NUCKS1: variants seen among roughly 807,000 people sequenced by gnomAD.
The protein encoded by NUCKS1 is nuclear casein kinase and cyclin dependent kinase substrate 1.
In NUCKS1, 2 loss-of-function variants were observed where a neutral mutation model predicts 33.0. The ratio of observed to expected loss-of-function variants is 0.06; its 90% CI spans 0.02 to 0.19. The LOEUF (loss-of-function observed/expected upper bound fraction) is 0.19. Among genes scored for constraint, NUCKS1 ranks in the 10% least tolerant of loss-of-function variants. The probability of loss-of-function intolerance (pLI) is 1.00; values close to 1 mark genes in which losing one functional copy is unlikely to be tolerated. For synonymous variants in NUCKS1, 106 were observed against 102.8 expected, an observed-to-expected ratio of 1.03 and a Z score of -0.19; for missense variants, 201 against 293.6, an observed-to-expected ratio of 0.68 and a Z score of 2.31.
chr1:205,750,018 A>AC lies in NUCKS1; in HGVS notation c.-46dup, dbSNP rs751390674. 652 of 963,400 alleles carry AC rather than the reference A, an allele frequency of 6.8e-4. No individual in the cohort carries two copies. The highest frequency in any genetic ancestry group is 2.8e-3 in the Middle Eastern group (8 of 2,852). 59.7% of individuals were successfully genotyped at this position (963,400 alleles called of 1,614,324 possible). ...CCGAGTCGAGAAGCCAAAGACCAGG[A>AC]CCCCCCCCACCCCGCGCGCTCGGCG... On this transcript the variant is annotated 5_prime_UTR_variant, in exon 1 of 7. Coordinates refer to ENST00000367142, the MANE Select transcript of NUCKS1 (RefSeq NM_022731.5).
intron 1 of NUCKS1, among the ~76,000 whole-genome samples, chr1:205,738,887 G>A (rs1391109858): frequency 6.6e-6 from 1 of 152,170 alleles, no homozygotes; most frequent in African/African-American, 2.4e-5. Context: ...TCTGGCCTGG[G>A]TGAGAGAGGG....
At chr1:205,733,114 A>G (rs571807392) in intron 1 of NUCKS1, among the ~76,000 whole-genome samples, 4 of 152,316 alleles carry the variant, frequency 2.6e-5, no homozygotes, top group Non-Finnish European at 5.9e-5. Context: ...ACTTGTAGGT[A>G]TAATTCTAGC....
In NUCKS1 at chr1:205,716,075, A is replaced by C. The variant is rs1172924109; in HGVS notation, c.*2205T>G. ...ATAGAATACATTTTTCAATCTAATG[A>C]ATTAATTTTAAAAGGGACCCTAAAC... On this transcript the variant is annotated 3_prime_UTR_variant, in exon 7 of 7. Transcript: ENST00000367142. The C allele has an allele frequency of 2.6e-5, 4 of 152,358 alleles. No individual in the cohort carries two copies. The highest frequency in any genetic ancestry group is 6.5e-5 in the Admixed American group (1 of 15,300). The allele number at this position is 152,358 out of a possible 1,614,324, so 9.4% of individuals were successfully genotyped here.
intron 1 of NUCKS1, among the ~76,000 whole-genome samples, chr1:205,741,008 A>AT (rs1233673248): frequency 6.6e-6 from 1 of 152,002 alleles, no homozygotes; most frequent in African/African-American, 2.4e-5. Context: ...GTTTTCTTTT[A>AT]AAGTCACACA....
chr1:205,743,988 T>A (rs777991742), intron 1 of NUCKS1, among the ~76,000 whole-genome samples: 37 of 152,314 alleles, frequency 2.4e-4, no homozygotes, highest in Non-Finnish European at 4.7e-4. Context: ...CGTATAAACT[T>A]AAAACAATGC....
chr1:205,748,601 C>G (rs1654389680), intron 1 of NUCKS1, among the ~76,000 whole-genome samples: 1 of 152,214 alleles, frequency 6.6e-6, no homozygotes, highest in Non-Finnish European at 1.5e-5. Flanking sequence ...GAGCTAACAG[C>G]AGCTTTCTCC....
chr1:205,741,297 C>CAAA (rs56979923), intron 1 of NUCKS1, among the ~76,000 whole-genome samples: 406 of 78,338 alleles, frequency 5.2e-3, no homozygotes, highest in African/African-American at 0.013. Flanking sequence ...GAGACTGTCT[C>CAAA]AAAAAAAAAA....
intron 1 of NUCKS1, among the ~76,000 whole-genome samples, chr1:205,747,417 T>C (rs1161683092): frequency 1.3e-5 from 2 of 152,220 alleles, no homozygotes; most frequent in African/African-American, 4.8e-5. Flanking sequence ...ACAGCAATCT[T>C]GTATGAACAA....
rs1173820494 is a variant in NUCKS1, at chr1:205,728,312, TTGCACACACACACA to T, written c.68-521_68-508del. On this transcript the variant is annotated intron_variant, in intron 2 of 6. Coordinates refer to ENST00000367142, the MANE Select transcript of NUCKS1 (RefSeq NM_022731.5). ...TTTCCAAAACTGTTTACTGCACCATTTGCACACACACACATGCACACACACACACACACGATGGC... is the reference window on the plus strand; with the variant it reads ...TTTCCAAAACTGTTTACTGCACCATTTGCACACACACACACACACGATGGC... 4.1e-3 allele frequency among the ~76,000 whole-genome samples: 628 copies of T among 151,658 alleles called. 4 individuals are homozygous for T. The highest frequency in any genetic ancestry group is 0.014 in the African/African-American group (577 of 41,336).
At chr1:205,731,719 G>A (rs1358954801) in intron 1 of NUCKS1, among the ~76,000 whole-genome samples, 2 of 151,942 alleles carry the variant, frequency 1.3e-5, no homozygotes, top group East Asian at 1.9e-4. Context: ...GTGAAACCCC[G>A]TCTCCACTAA....
Position 205,743,775 on chromosome 1 carries a change from A to G in NUCKS1, c.17+6182T>C, listed in dbSNP as rs186076685. On this transcript the variant is annotated intron_variant, in intron 1 of 6. Coordinates refer to ENST00000367142, the MANE Select transcript of NUCKS1 (RefSeq NM_022731.5). ...CATTATTAAAAAACCTGTTTACTGT[A>G]TATCATGTTGCTTAAAGTTAGAAGT... Among the ~76,000 whole-genome samples the G allele has an allele frequency of 3.9e-5, 6 of 152,310 alleles. No homozygotes were observed. The East Asian group carries it at 9.6e-4, about 24-fold the overall frequency.
intron 1 of NUCKS1, among the ~76,000 whole-genome samples, chr1:205,739,017 C>T (rs1250957743): frequency 6.6e-6 from 1 of 152,122 alleles, no homozygotes; most frequent in East Asian, 1.9e-4. Flanking sequence ...GAATCCACGG[C>T]GACTTTTAGT....
intron 3 of NUCKS1, among the ~76,000 whole-genome samples, chr1:205,725,751 C>T (rs950137765): frequency 2.0e-5 from 3 of 152,102 alleles, no homozygotes; most frequent in Non-Finnish European, 2.9e-5. Context: ...CCTTCCAGCA[C>T]TCAGAATAAT....
intron 3 of NUCKS1, among the ~76,000 whole-genome samples, chr1:205,724,454 G>T (rs1450724513): frequency 6.6e-6 from 1 of 152,232 alleles, no homozygotes; most frequent in Non-Finnish European, 1.5e-5. Context: ...AGCAGTTTGG[G>T]TGGCTGAGGT....
In NUCKS1 at chr1:205,718,007, T is replaced by C. The variant is rs561814167; in HGVS notation, c.*273A>G. 1.8e-6 allele frequency: 2 copies of C among 1,082,698 alleles called. No individual in the cohort carries two copies. The highest frequency in any genetic ancestry group is 8.2e-5 in the South Asian group (2 of 24,392). The allele number at this position is 1,082,698 out of a possible 1,614,324, so 67.1% of individuals were successfully genotyped here. A position where few individuals can be genotyped will look rare whatever the true frequency, so the allele number is the denominator to read the frequency against. On this transcript the variant is annotated 3_prime_UTR_variant, in exon 7 of 7. Transcript: ENST00000367142. ...AGTGATTAATTTGACATGGCTTTCA[T>C]TGGGAAAGGGGAGGGCTGGCAAAGA...
intron 1 of NUCKS1, among the ~76,000 whole-genome samples, chr1:205,744,637 T>TTTTTG (rs1553253173): frequency 1.5e-5 from 2 of 137,520 alleles, no homozygotes; most frequent in Admixed American, 7.4e-5. Context: ...AGAGTTTTTT[T>TTTTTG]TTTTTTTTTT....
At chr1:205,741,860 T>A (rs1004238367) in intron 1 of NUCKS1, among the ~76,000 whole-genome samples, 2 of 152,226 alleles carry the variant, frequency 1.3e-5, no homozygotes, top group Non-Finnish European at 2.9e-5. Flanking sequence ...GCTCTGAAGT[T>A]GTAAATCAAA....
chr1:205,738,252 C>T (rs377499526), intron 1 of NUCKS1, among the ~76,000 whole-genome samples: 11 of 151,864 alleles, frequency 7.2e-5, no homozygotes, highest in African/African-American at 1.4e-4. Context: ...GGTTTCAAAC[C>T]GCTGACCTCA....
chr1:205,749,343 A>G (rs2102453458), intron 1 of NUCKS1, among the ~76,000 whole-genome samples: 1 of 152,298 alleles, frequency 6.6e-6, no homozygotes, highest in East Asian at 1.9e-4. Context: ...GGGGGGAAAA[A>G]AACGGGTCCC....
Sources: allele counts gnomAD v4.1 joint callset (sites outside exome capture counted in the v4.1 genomes callset), GRCh38; gene constraint gnomAD v4.1.1; transcripts MANE v1.5; gene names NCBI Gene and HGNC (gene_info 2026-07-23, HGNC 2026-07-21).